PTPN11: variants seen among roughly 807,000 people sequenced by gnomAD.
PTPN11 encodes protein tyrosine phosphatase non-receptor type 11.
A neutral mutation model predicts 78.8 loss-of-function variants in PTPN11; 6 were observed. The ratio of observed to expected loss-of-function variants is 0.08; its 90% confidence interval spans 0.04 to 0.15. PTPN11 has a LOEUF of 0.15. Ranked by LOEUF, PTPN11 falls within the 10% of genes least tolerant of loss-of-function variation. The pLI is 1.00. For synonymous variants in PTPN11, 221 were observed against 263.5 expected (o/e 0.84, Z 1.56); for missense variants, 386 against 744.8 (o/e 0.52, Z 5.61).
At chr12:112,419,562 A>G (rs2037487590) in intron 1 of PTPN11, among the ~76,000 whole-genome samples, 1 of 152,188 alleles carries the variant, frequency 6.6e-6, no homozygotes, top group Admixed American at 6.5e-5. Flanking sequence ...CCAGTGGTCT[A>G]GTCGTTCTGG....
Position 112,508,354 on chromosome 12 carries a change from A to G in PTPN11, c.*2562A>G, listed in dbSNP as rs1331019585. On this transcript the variant is annotated 3_prime_UTR_variant, in exon 16 of 16. Transcript: ENST00000351677. ...GCAGGTTCTCAGACGAGTTTACTTT[A>G]CATGAGATGGAATCAGGCAGAGAGG... 4 of 152,334 alleles carry G rather than the reference A, an allele frequency of 2.6e-5. No individual in the cohort carries two copies. The highest frequency in any genetic ancestry group is 5.9e-5 in the Non-Finnish European group (4 of 68,048). 9.4% of individuals were successfully genotyped at this position (152,334 alleles called of 1,614,324 possible). A position where few individuals can be genotyped will look rare whatever the true frequency, so the allele number is the denominator to read the frequency against.
At chr12:112,483,313 A>G (rs969501654) in intron 10 of PTPN11, among the ~76,000 whole-genome samples, 1 of 150,860 alleles carries the variant, frequency 6.6e-6, no homozygotes, top group Admixed American at 6.6e-5. Context: ...TCAGCCTCCC[A>G]TGTAGCTGGG....
intron 1 of PTPN11, among the ~76,000 whole-genome samples, chr12:112,431,885 A>G (rs1285368769): frequency 6.6e-6 from 1 of 152,240 alleles, no homozygotes; most frequent in African/African-American, 2.4e-5. Context: ...AAATTTAACA[A>G]TGCCAACATG....
chr12:112,495,705 C>G (rs573403042), intron 13 of PTPN11, among the ~76,000 whole-genome samples: 1 of 152,300 alleles, frequency 6.6e-6, no homozygotes, highest in South Asian at 2.1e-4. Context: ...AACTACTAAA[C>G]ATCACAGCTT....
intron 9 of PTPN11, among the ~76,000 whole-genome samples, chr12:112,480,484 A>G (rs751339198): frequency 6.7e-6 from 1 of 150,322 alleles, no homozygotes; most frequent in Non-Finnish European, 1.5e-5. Context: ...TTCCTGCCTC[A>G]GTGCCTGAGT....
At chr12:112,419,710 AG>A (rs2037491382) in intron 1 of PTPN11, among the ~76,000 whole-genome samples, 1 of 152,180 alleles carries the variant, frequency 6.6e-6, no homozygotes. Flanking sequence ...AGCCACTAGA[AG>A]TATTTCCTTC....
At chr12:112,436,534 T>A (rs983372636) in intron 1 of PTPN11, among the ~76,000 whole-genome samples, 1 of 152,170 alleles carries the variant, frequency 6.6e-6, no homozygotes, top group African/African-American at 2.4e-5. Flanking sequence ...ATCAGATTTT[T>A]AAAATATGTT....
At chr12:112,496,499 C>A (rs1455578985) in intron 13 of PTPN11, among the ~76,000 whole-genome samples, 1 of 152,110 alleles carries the variant, frequency 6.6e-6, no homozygotes, top group Non-Finnish European at 1.5e-5. Flanking sequence ...GTATATGAAT[C>A]CATGGATTCA....
chr12:112,463,328 G>A (rs1490240201), intron 6 of PTPN11, among the ~76,000 whole-genome samples: 1 of 151,858 alleles, frequency 6.6e-6, no homozygotes, highest in East Asian at 1.9e-4. Context: ...TGATCCTCCT[G>A]CCTTGGCCTC....
chr12:112,494,357 A>G (rs887436142), intron 13 of PTPN11, among the ~76,000 whole-genome samples: 2 of 152,184 alleles, frequency 1.3e-5, no homozygotes, highest in Non-Finnish European at 2.9e-5. Flanking sequence ...AGAACTTTTA[A>G]GGTTCATCAT....
At chr12:112,438,562 A>T (rs1592814983) in intron 1 of PTPN11, among the ~76,000 whole-genome samples, 2 of 151,302 alleles carry the variant, frequency 1.3e-5, no homozygotes, top group South Asian at 4.2e-4. Context: ...GCTCACTGCA[A>T]CCTCTGCCTC....
At chr12:112,470,764 C>T (rs763247437) in intron 6 of PTPN11, among the ~76,000 whole-genome samples, 4 of 152,124 alleles carry the variant, frequency 2.6e-5, no homozygotes, top group African/African-American at 7.2e-5. Flanking sequence ...CCCCCTCCCC[C>T]GGTATGTATT....
chr12:112,475,951 CT>C (rs986589301), intron 7 of PTPN11, among the ~76,000 whole-genome samples: 2 of 150,928 alleles, frequency 1.3e-5, no homozygotes, highest in Non-Finnish European at 3.0e-5. Context: ...AAGCCTTATC[CT>C]TTTTTTTTGG....
intron 13 of PTPN11, among the ~76,000 whole-genome samples, chr12:112,501,743 G>A (rs572791656): frequency 6.6e-6 from 1 of 152,266 alleles, no homozygotes; most frequent in African/African-American, 2.4e-5. Flanking sequence ...ATTTCTAGTT[G>A]GGGTGAATTT....
At chr12:112,465,420 CAA>C (rs78570969) in intron 6 of PTPN11, among the ~76,000 whole-genome samples, 24 of 90,680 alleles carry the variant, frequency 2.6e-4, no homozygotes, top group Non-Finnish European at 2.6e-4. Flanking sequence ...GAGTGTATCA[CAA>C]AAAAAAAAAA....
intron 1 of PTPN11, among the ~76,000 whole-genome samples, chr12:112,436,825 T>G (rs932321515): frequency 6.6e-6 from 1 of 152,082 alleles, no homozygotes; most frequent in African/African-American, 2.4e-5. Context: ...AAAGAATGAT[T>G]GATTTAAAGA....
At chr12:112,427,071 C>T (rs2135828969) in intron 1 of PTPN11, among the ~76,000 whole-genome samples, 1 of 151,928 alleles carries the variant, frequency 6.6e-6, no homozygotes, top group Admixed American at 6.6e-5. Context: ...GTGGGTGAAA[C>T]CCTGTCTCTA....
intron 1 of PTPN11, among the ~76,000 whole-genome samples, chr12:112,430,286 G>A (rs1276522894): frequency 6.6e-6 from 1 of 152,206 alleles, no homozygotes; most frequent in Non-Finnish European, 1.5e-5. Flanking sequence ...ACAGGTGTGA[G>A]CCACAGCGCC....
chr12:112,499,395 T>C (rs571666509), intron 13 of PTPN11, among the ~76,000 whole-genome samples: 3 of 152,096 alleles, frequency 2.0e-5, no homozygotes, highest in African/African-American at 7.2e-5. Flanking sequence ...CAGGCTGGAG[T>C]GCAGTGGTGT....
Sources: gnomAD v4.1 joint callset for allele counts (sites outside exome capture counted in the v4.1 genomes callset) on GRCh38, gnomAD v4.1.1 for gene constraint, MANE v1.5 for transcripts, NCBI Gene and HGNC (gene_info 2026-07-23, HGNC 2026-07-21) for gene names.